FHIT: variants seen among roughly 807,000 people sequenced by gnomAD.
FHIT encodes the protein fragile histidine triad diadenosine triphosphatase, also known as bis(5'-adenosyl)-triphosphatase.
In FHIT, 19 loss-of-function variants were observed where a neutral mutation model predicts 17.9. The ratio of observed to expected loss-of-function variants is 1.06; its 90% CI spans 0.74 to 1.56. The LOEUF is 1.56. Among genes scored for constraint, FHIT ranks in the 40% most tolerant of loss-of-function variants. The pLI, the probability that FHIT is intolerant of heterozygous loss-of-function variation, is 0.00. For missense variants in FHIT, 248 were observed against 189.2 expected, an observed-to-expected ratio of 1.31 and a Z score of -1.82; for synonymous variants, 81 against 69.7, an observed-to-expected ratio of 1.16 and a Z score of -0.81.
Position 59,747,344 on chromosome 3 carries a change from A to G in FHIT, c.*2241T>C, listed in dbSNP as rs1471374131. Among the ~76,000 whole-genome samples, 1 of 152,134 alleles carries G rather than the reference A, an allele frequency of 6.6e-6. No homozygotes were observed. The highest frequency in any genetic ancestry group is 1.9e-4 in the East Asian group (1 of 5,170). ...AGGAAGGCAAAAGAGGAGCAAAGCC[A>G]CATCTTACATGGCAGCAGGCAAGAC... is the stretch of plus-strand genomic sequence containing the variant. On this transcript the variant is annotated 3_prime_UTR_variant, in exon 10 of 10. Transcript: ENST00000492590.
At chr3:60,130,784 G>GTGTGTATATACACACATATGTGTGTGT (rs148356992) in intron 5 of FHIT, among the ~76,000 whole-genome samples, 13 of 111,628 alleles carry the variant, frequency 1.2e-4, no homozygotes, top group African/African-American at 3.6e-4. Flanking sequence ...GTGTGTGTGT[G>GTGTGTATATACACACATATGTGTGTGT]GTGTGTATAT....
chr3:60,695,116 C>G (rs9845813), intron 4 of FHIT, among the ~76,000 whole-genome samples: 16,945 of 152,092 alleles, frequency 0.11, 2,038 homozygotes, highest in African/African-American at 0.3. Context: ...AAAGGTAGGC[C>G]GGGTGCTGTG....
chr3:60,590,854 G>A (rs1490025967), intron 4 of FHIT, among the ~76,000 whole-genome samples: 2 of 152,068 alleles, frequency 1.3e-5, no homozygotes, highest in Non-Finnish European at 2.9e-5. Context: ...GCTATGGCAG[G>A]ATTACAGAAA....
At chr3:60,787,933 T>C (rs1482698583) in intron 4 of FHIT, among the ~76,000 whole-genome samples, 1 of 152,212 alleles carries the variant, frequency 6.6e-6, no homozygotes, top group African/African-American at 2.4e-5. Context: ...GCTGAAGTGC[T>C]GTCTCTTGTT....
At chr3:60,523,594 G>C (rs1022617344) in intron 5 of FHIT, among the ~76,000 whole-genome samples, 1 of 152,132 alleles carries the variant, frequency 6.6e-6, no homozygotes, top group Non-Finnish European at 1.5e-5. Flanking sequence ...CTAAACTGAA[G>C]AAATTGCTTA....
chr3:60,676,612 G>T (rs2040626247), intron 4 of FHIT, among the ~76,000 whole-genome samples: 1 of 152,156 alleles, frequency 6.6e-6, no homozygotes, highest in South Asian at 2.1e-4. Flanking sequence ...CCAAAAATGA[G>T]TTACCCAACA....
chr3:61,218,794 C>A (rs1285353933), intron 1 of FHIT, among the ~76,000 whole-genome samples: 1 of 152,110 alleles, frequency 6.6e-6, no homozygotes, highest in East Asian at 1.9e-4. Context: ...TGTTTTCTCA[C>A]CCTAATTAGA....
intron 4 of FHIT, among the ~76,000 whole-genome samples, chr3:60,623,853 G>A (rs2039204259): frequency 6.6e-6 from 1 of 152,140 alleles, no homozygotes; most frequent in Admixed American, 6.5e-5. Context: ...CAGTTGGAGG[G>A]AACAGAAGGC....
rs142321259 is a variant in FHIT, at chr3:60,853,920, T to C, written c.-110-31909A>G. The stretch of plus-strand genomic sequence containing the variant: ...TTAAACATAGTCCCTTTGGTGTCCT[T>C]AGTAACACTGCAAAGATGTCTTCAT... On this transcript the variant is annotated intron_variant, in intron 3 of 9. Transcript: ENST00000492590. Among the ~76,000 whole-genome samples the C allele has an allele frequency of 9.9e-5, 15 of 152,256 alleles. 1 individual carries two copies. In the East Asian group the frequency reaches 2.9e-3, roughly 29 times the overall value.
intron 1 of FHIT, among the ~76,000 whole-genome samples, chr3:61,213,409 A>C (rs1021986448): frequency 6.6e-5 from 10 of 152,248 alleles, no homozygotes; most frequent in Admixed American, 3.3e-4. Flanking sequence ...GAGAGAAAGA[A>C]GGCCATTACG....
At chr3:60,135,615 A>G (rs1699785375) in intron 5 of FHIT, among the ~76,000 whole-genome samples, 1 of 152,126 alleles carries the variant, frequency 6.6e-6, no homozygotes, top group African/African-American at 2.4e-5. Context: ...ACTTATTTGT[A>G]CTGAGAAAGG....
intron 8 of FHIT, among the ~76,000 whole-genome samples, chr3:59,770,624 G>A (rs1447900067): frequency 6.6e-6 from 1 of 152,174 alleles, no homozygotes; most frequent in Non-Finnish European, 1.5e-5. Context: ...GCTTGTAGTT[G>A]CCAGAACTGT....
At chr3:61,188,880 C>A (rs1382085881) in intron 2 of FHIT, among the ~76,000 whole-genome samples, 12 of 152,120 alleles carry the variant, frequency 7.9e-5, no homozygotes, top group South Asian at 2.1e-4. Flanking sequence ...CAAAATTCAA[C>A]AACCCTTCAT....
intron 5 of FHIT, among the ~76,000 whole-genome samples, chr3:60,059,725 G>T (rs1702224636): frequency 6.6e-6 from 1 of 152,178 alleles, no homozygotes; most frequent in South Asian, 2.1e-4. Context: ...AACAAAAAGA[G>T]CAGAGGTTTT....
chr3:60,415,052 A>G, intron 5 of FHIT, among the ~76,000 whole-genome samples: 1 of 152,074 alleles, frequency 6.6e-6, no homozygotes, highest in Admixed American at 6.6e-5. Context: ...AGGCCCGGGA[A>G]TGTGCACTTT....
intron 4 of FHIT, among the ~76,000 whole-genome samples, chr3:60,649,521 T>A (rs900465391): frequency 6.6e-6 from 1 of 152,214 alleles, no homozygotes; most frequent in East Asian, 1.9e-4. Flanking sequence ...TATATTTCAC[T>A]CATACAATGT....
chr3:60,235,452 G>A (rs1295856273), intron 5 of FHIT, among the ~76,000 whole-genome samples: 3 of 151,964 alleles, frequency 2.0e-5, no homozygotes, highest in African/African-American at 2.4e-5. Context: ...GGCTGGTCTC[G>A]AACTCCTGAC....
chr3:60,770,303 G>T (rs1699998277), intron 4 of FHIT, among the ~76,000 whole-genome samples: 1 of 151,700 alleles, frequency 6.6e-6, no homozygotes, highest in Admixed American at 6.6e-5. Context: ...ATTGATATTT[G>T]GTACCAAGAA....
chr3:60,919,404 T>G lies in FHIT; in HGVS notation c.-110-97393A>C, dbSNP rs534137913. On this transcript the variant is annotated intron_variant, in intron 3 of 9. Coordinates refer to ENST00000492590, the MANE Select transcript of FHIT (RefSeq NM_002012.4). ...AAAGCACAATCACAACCACAGTTTT[T>G]TTTTTTTTTTAAAGCTGTCTATATC... Among the ~76,000 whole-genome samples the G allele has an allele frequency of 3.3e-4, 50 of 151,930 alleles. No homozygotes were observed. The South Asian group carries it at 5.2e-3, about 16-fold the overall frequency.
Sources: gnomAD v4.1 joint callset for allele counts (sites outside exome capture counted in the v4.1 genomes callset) on GRCh38, gnomAD v4.1.1 for gene constraint, MANE v1.5 for transcripts, NCBI Gene and HGNC (gene_info 2026-07-23, HGNC 2026-07-21) for gene names.